CDKAL1: variants seen among roughly 807,000 people sequenced by gnomAD.
The protein encoded by CDKAL1 is CDKAL1 threonylcarbamoyladenosine tRNA methylthiotransferase.
In CDKAL1, 32 loss-of-function variants were observed where a neutral mutation model predicts 68.2. The ratio of observed to expected loss-of-function variants is 0.47; its 90% CI spans 0.35 to 0.63. The LOEUF (loss-of-function observed/expected upper bound fraction) is 0.63. Ranked by LOEUF, CDKAL1 falls within the 30% of genes least tolerant of loss-of-function variation. The pLI is 0.00. For synonymous variants in CDKAL1, 234 were observed against 244.3 expected, an observed-to-expected ratio of 0.96 and a Z score of 0.39; for missense variants, 606 against 696.7, an observed-to-expected ratio of 0.87 and a Z score of 1.47.
chr6:20,895,073 T>C (rs1036204012), intron 9 of CDKAL1, among the ~76,000 whole-genome samples: 1 of 152,234 alleles, frequency 6.6e-6, no homozygotes, highest in Non-Finnish European at 1.5e-5. Flanking sequence ...ATCTTTTTTC[T>C]CTATGTGTAT....
At chr6:21,203,691 CTTTTTTTTTT>C (rs915087377) in intron 15 of CDKAL1, among the ~76,000 whole-genome samples, 10 of 94,100 alleles carry the variant, frequency 1.1e-4, no homozygotes, top group East Asian at 5.8e-4. Flanking sequence ...CACTTGACCT[CTTTTTTTTTT>C]TTTTTTTTTT....
At chr6:20,957,883 A>T (rs1365205441) in intron 10 of CDKAL1, among the ~76,000 whole-genome samples, 2 of 151,360 alleles carry the variant, frequency 1.3e-5, no homozygotes, top group Non-Finnish European at 2.9e-5. Flanking sequence ...AGGCAGGAGA[A>T]TCGCTTGAGC....
intron 10 of CDKAL1, among the ~76,000 whole-genome samples, chr6:20,998,139 T>A (rs1767219835): frequency 2.0e-5 from 3 of 152,214 alleles, no homozygotes; most frequent in Non-Finnish European, 4.4e-5. Context: ...GCTGCCACTT[T>A]AGAAAACAAA....
intron 5 of CDKAL1, among the ~76,000 whole-genome samples, chr6:20,694,915 C>A (rs1476492322): frequency 6.6e-6 from 1 of 152,152 alleles, no homozygotes; most frequent in Non-Finnish European, 1.5e-5. Context: ...GGTACCCCCA[C>A]ATCTCTCTTG....
At chr6:20,899,595 T>C (rs1035139067) in intron 9 of CDKAL1, among the ~76,000 whole-genome samples, 1 of 152,008 alleles carries the variant, frequency 6.6e-6, no homozygotes, top group Non-Finnish European at 1.5e-5. Context: ...TGTAATCCCA[T>C]AACTTTGGGA....
At chr6:20,692,918 A>T (rs1770934094) in intron 5 of CDKAL1, among the ~76,000 whole-genome samples, 1 of 151,870 alleles carries the variant, frequency 6.6e-6, no homozygotes, top group Non-Finnish European at 1.5e-5. Flanking sequence ...CGACGTGAGG[A>T]GATCGAGACC....
At chr6:20,609,809 A>G (rs1766538106) in intron 4 of CDKAL1, among the ~76,000 whole-genome samples, 1 of 152,090 alleles carries the variant, frequency 6.6e-6, no homozygotes, top group South Asian at 2.1e-4. Context: ...CTTCAGGGGT[A>G]CAAGTGCAGG....
At chr6:20,808,561 G>C (rs1776667381) in intron 8 of CDKAL1, among the ~76,000 whole-genome samples, 3 of 152,062 alleles carry the variant, frequency 2.0e-5, no homozygotes, top group African/African-American at 7.2e-5. Flanking sequence ...GGAGTTCAGA[G>C]GGAAGAGGAA....
intron 11 of CDKAL1, among the ~76,000 whole-genome samples, chr6:21,054,132 A>G (rs757125616): frequency 1.3e-5 from 2 of 152,154 alleles, no homozygotes; most frequent in Non-Finnish European, 2.9e-5. Flanking sequence ...TTTGTGTATA[A>G]TGTAAGGTGG....
chr6:21,023,164 G>A (rs2150864536), intron 11 of CDKAL1, among the ~76,000 whole-genome samples: 1 of 150,528 alleles, frequency 6.6e-6, no homozygotes. Flanking sequence ...TTGAACATTA[G>A]TAGTAACAAT....
rs145893325 is a variant in CDKAL1 at position 20,721,725 on chromosome 6, G to GTTTTTTTTTTTTTTTTT, written c.372-17785_372-17769dup. Among the ~76,000 whole-genome samples, 18 of 67,378 alleles carry GTTTTTTTTTTTTTTTTT rather than the reference G, an allele frequency of 2.7e-4. 3 individuals are homozygous for GTTTTTTTTTTTTTTTTT. Among genetic ancestry groups the GTTTTTTTTTTTTTTTTT allele is most frequent in the South Asian group, 6.6e-4 (1 of 1,526 alleles). The allele number at this position is 67,378 out of a possible 152,430, so 44.2% of individuals were successfully genotyped here. ...CTTCTCTGCACCCTGACCAACTTCT[G>GTTTTTTTTTTTTTTTTT]TTTTTTTTTTTTTTTTTTTTTTTTT... On this transcript the variant is annotated intron_variant, in intron 5 of 15. Coordinates refer to ENST00000274695, the MANE Select transcript of CDKAL1 (RefSeq NM_017774.3).
chr6:21,068,182 G>A (rs1771564950), intron 12 of CDKAL1, among the ~76,000 whole-genome samples: 1 of 151,692 alleles, frequency 6.6e-6, no homozygotes, highest in African/African-American at 2.4e-5. Flanking sequence ...TTCTCTTCAT[G>A]GTGCCTTTTG....
At chr6:20,536,102 C>CT (rs34025398) in intron 2 of CDKAL1, among the ~76,000 whole-genome samples, 2,508 of 138,208 alleles carry the variant, frequency 0.018, 34 homozygotes, top group Non-Finnish European at 0.029. Context: ...CTAAATTTTA[C>CT]TTTTTTTTTT....
intron 9 of CDKAL1, among the ~76,000 whole-genome samples, chr6:20,932,048 G>A (rs190387633): frequency 1.3e-5 from 2 of 152,156 alleles, no homozygotes; most frequent in African/African-American, 2.4e-5. Flanking sequence ...TCTTTCAACC[G>A]TAGTGGTAAA....
At chr6:21,023,517 A>C (rs16884396) in intron 11 of CDKAL1, among the ~76,000 whole-genome samples, 20 of 152,152 alleles carry the variant, frequency 1.3e-4, no homozygotes, top group Non-Finnish European at 2.4e-4. Flanking sequence ...CTTTAAGTAC[A>C]TAAGTCAAGC....
rs530482652 is a variant in CDKAL1 at position 21,044,957 on chromosome 6, C to T, written c.1056-20091C>T. ...CTCATTCCTCACAGATGGCACTGCC[C>T]GGCTTCTTCAAATGGCAGAAGGGAG... is the stretch of plus-strand genomic sequence containing the variant. On this transcript the variant is annotated intron_variant, in intron 11 of 15. Transcript: ENST00000274695. Among the ~76,000 whole-genome samples, 10 of 152,284 alleles carry T rather than the reference C, an allele frequency of 6.6e-5. No individual in the cohort carries two copies. The South Asian group carries it at 1.7e-3, about 25-fold the overall frequency.
chr6:20,639,851 A>C (rs1290855381), intron 4 of CDKAL1, among the ~76,000 whole-genome samples: 1 of 152,152 alleles, frequency 6.6e-6, no homozygotes, highest in Non-Finnish European at 1.5e-5. Flanking sequence ...TTGTATTTTT[A>C]GTAGAGATGG....
At chr6:21,158,710 T>G (rs1283220829) in intron 13 of CDKAL1, among the ~76,000 whole-genome samples, 1 of 152,236 alleles carries the variant, frequency 6.6e-6, no homozygotes, top group Admixed American at 6.5e-5. Flanking sequence ...ATAGACAGTG[T>G]AAGTCTAGAA....
intron 13 of CDKAL1, among the ~76,000 whole-genome samples, chr6:21,139,636 G>A (rs1012156215): frequency 3.3e-5 from 5 of 151,734 alleles, no homozygotes; most frequent in Non-Finnish European, 7.4e-5. Flanking sequence ...TCAACCTCCC[G>A]AGTAGCTAGG....
Sources: allele counts gnomAD v4.1 joint callset (sites outside exome capture counted in the v4.1 genomes callset), GRCh38; gene constraint gnomAD v4.1.1; transcripts MANE v1.5; gene names NCBI Gene and HGNC (gene_info 2026-07-23, HGNC 2026-07-21).